Variants in CNKSR2 observed in about 807,000 individuals in gnomAD.
CNKSR2 encodes connector enhancer of kinase suppressor of Ras 2.
In CNKSR2, 14 loss-of-function variants were observed where a neutral mutation model predicts 84.4. The observed-to-expected ratio is 0.17, with a 90% CI of 0.11 to 0.26. The LOEUF is 0.26. Among genes scored for constraint, CNKSR2 ranks in the 10% least tolerant of loss-of-function variants. CNKSR2 has a pLI of 1.00. For synonymous variants in CNKSR2, 275 were observed against 277.9 expected, an observed-to-expected ratio of 0.99 and a Z score of 0.10; for missense variants, 485 against 771.2, an observed-to-expected ratio of 0.63 and a Z score of 4.40.
At chrX:21,569,676 A>T (rs1293075581) in intron 13 of CNKSR2, among the ~76,000 whole-genome samples, 1 of 112,552 alleles carries the variant, frequency 8.9e-6, no homozygotes, top group East Asian at 2.8e-4. Flanking sequence ...CTTTGCCCAG[A>T]TCCATCAGAG....
chrX:21,494,118 G>A, intron 6 of CNKSR2: 1 of 111,142 alleles, frequency 9.0e-6, no homozygotes, highest in Non-Finnish European at 1.9e-5. Flanking sequence ...TGTCAGTTAA[G>A]TTCCTGGTAT....
intron 5 of CNKSR2, among the ~76,000 whole-genome samples, chrX:21,480,490 G>T (rs1233554374): frequency 1.8e-5 from 2 of 112,051 alleles, no homozygotes; most frequent in Non-Finnish European, 3.8e-5. Flanking sequence ...GAGCCTGAAA[G>T]TCATGTGTCC....
chrX:21,641,248 T>C (rs779595224), intron 20 of CNKSR2, among the ~76,000 whole-genome samples: 1 of 112,191 alleles, frequency 8.9e-6, no homozygotes, highest in Admixed American at 9.4e-5. Flanking sequence ...AGTATAGTGG[T>C]GGGAAAATAT....
chrX:21,564,944 T>C (rs1275560105), intron 13 of CNKSR2, among the ~76,000 whole-genome samples: 1 of 111,343 alleles, frequency 9.0e-6, no homozygotes, highest in East Asian at 2.8e-4. Context: ...CTGAAATCAG[T>C]ACTCTTAGTC....
At chrX:21,452,185 G>A (rs889241465) in intron 4 of CNKSR2, among the ~76,000 whole-genome samples, 4 of 111,803 alleles carry the variant, frequency 3.6e-5, no homozygotes, top group Non-Finnish European at 7.5e-5. Context: ...TCACCTCCCA[G>A]GTTCAAGCAA....
intron 5 of CNKSR2, among the ~76,000 whole-genome samples, chrX:21,472,229 G>C (rs1403452702): frequency 8.9e-6 from 1 of 111,841 alleles, no homozygotes; most frequent in Non-Finnish European, 1.9e-5. Flanking sequence ...GTGAGTGACT[G>C]TTTCTTTAGC....
At chrX:21,459,519 G>C (rs1040887809) in intron 4 of CNKSR2, among the ~76,000 whole-genome samples, 1 of 109,787 alleles carries the variant, frequency 9.1e-6, no homozygotes, top group African/African-American at 3.3e-5. Flanking sequence ...GATGCGTTCT[G>C]CTTGGTGTGT....
chrX:21,611,453 A>G (rs1266745817), intron 20 of CNKSR2, among the ~76,000 whole-genome samples: 1 of 112,360 alleles, frequency 8.9e-6, no homozygotes, highest in Non-Finnish European at 1.9e-5. Flanking sequence ...TAGGCACTTA[A>G]CAGTTCATCC....
intron 1 of CNKSR2, among the ~76,000 whole-genome samples, chrX:21,380,449 T>C (rs1045036447): frequency 5.0e-5 from 5 of 100,478 alleles, no homozygotes; most frequent in Non-Finnish European, 8.1e-5. Context: ...TGTTCTTTTT[T>C]TTTTTTTTTT....
At chrX:21,583,953 G>A (rs1190843353) in intron 13 of CNKSR2, among the ~76,000 whole-genome samples, 1 of 111,533 alleles carries the variant, frequency 9.0e-6, no homozygotes, top group Non-Finnish European at 1.9e-5. Flanking sequence ...GCATCGCCAT[G>A]GTTAAGAAGA....
chrX:21,551,522 A>G (rs2092092464), intron 11 of CNKSR2, among the ~76,000 whole-genome samples: 1 of 112,478 alleles, frequency 8.9e-6, no homozygotes, highest in Admixed American at 9.4e-5. Context: ...TATGAACTAG[A>G]TGAAATAGTG....
intron 1 of CNKSR2, among the ~76,000 whole-genome samples, chrX:21,400,947 T>A (rs1380710977): frequency 8.9e-6 from 1 of 111,749 alleles, no homozygotes; most frequent in Admixed American, 9.6e-5. Context: ...GACTCCTTTC[T>A]TTCTTACTTC....
At chrX:21,473,486 ATAAC>A (rs1190255800) in intron 5 of CNKSR2, among the ~76,000 whole-genome samples, 1 of 110,349 alleles carries the variant, frequency 9.1e-6, no homozygotes, top group African/African-American at 3.3e-5. Flanking sequence ...TGTAGAAGAA[ATAAC>A]TTTGAGTCTA....
chrX:21,601,244 G>T (rs753362642), intron 17 of CNKSR2, 38 bp from the exon 18 acceptor site: 9 of 827,039 alleles, frequency 1.1e-5, no homozygotes, highest in South Asian at 2.4e-5. Flanking sequence ...TAAGAAATTA[G>T]GTTACAATGT....
intron 4 of CNKSR2, among the ~76,000 whole-genome samples, chrX:21,456,094 T>C (rs2090991629): frequency 8.9e-6 from 1 of 111,798 alleles, no homozygotes; most frequent in Admixed American, 9.5e-5. Flanking sequence ...ACATTAAAAT[T>C]GTACATATTT....
intron 20 of CNKSR2, among the ~76,000 whole-genome samples, chrX:21,614,535 T>C (rs1329999113): frequency 9.0e-6 from 1 of 111,300 alleles, no homozygotes; most frequent in Non-Finnish European, 1.9e-5. Flanking sequence ...ATATCACTTT[T>C]GTAAAGTTGA....
At position 21,558,898 on chromosome X, in the gene CNKSR2, A is replaced by G. The variant is rs771530938; in HGVS notation, c.1304-2573A>G. On this transcript the variant is annotated intron_variant, in intron 11 of 21. Transcript: ENST00000379510. ...ACTTTTCAAAAGATTTTTTGATGAC[A>G]TGTAAAAACAGTGCTAGAGCTGTTA... Among the ~76,000 whole-genome samples, 7 of 111,428 alleles carry G rather than the reference A, an allele frequency of 6.3e-5. No individual in the cohort carries two copies. The East Asian group carries it at 2.0e-3, about 31-fold the overall frequency.
At chrX:21,490,695 T>C (rs1489927921) in intron 6 of CNKSR2, 117 bp downstream of exon 6, 1 of 793,930 alleles carries the variant, frequency 1.3e-6, no homozygotes, top group African/African-American at 2.1e-5. Flanking sequence ...AACATTTTGG[T>C]ATTTTTTTCC....
At chrX:21,480,181 G>A (rs1172323155) in intron 5 of CNKSR2, among the ~76,000 whole-genome samples, 1 of 111,224 alleles carries the variant, frequency 9.0e-6, no homozygotes, top group African/African-American at 3.3e-5. Context: ...TGAGCTGAGA[G>A]CCACAAAACT....
Sources: gnomAD v4.1 joint callset for allele counts (sites outside exome capture counted in the v4.1 genomes callset) on GRCh38, gnomAD v4.1.1 for gene constraint, MANE v1.5 for transcripts, NCBI Gene and HGNC (gene_info 2026-07-23, HGNC 2026-07-21) for gene names.